The following ADGRL3 variants were observed in gnomAD, a reference collection of about 807,000 sequenced individuals.
The protein encoded by ADGRL3 is adhesion G protein-coupled receptor L3, also known as calcium-independent alpha-latrotoxin receptor 3.
In ADGRL3, 62 loss-of-function variants were observed where a neutral mutation model predicts 153.5. The observed-to-expected ratio is 0.40, with a 90% CI of 0.33 to 0.50. The LOEUF is 0.50. ADGRL3 is among the 20% of genes least tolerant of loss of function. The pLI, the probability that ADGRL3 is intolerant of heterozygous loss-of-function variation, is 0.47. For synonymous variants in ADGRL3, 710 were observed against 672.5 expected (o/e 1.06, Z -0.86); for missense variants, 1,641 against 1,859.4 (o/e 0.88, Z 2.16).
intron 21 of ADGRL3, among the ~76,000 whole-genome samples, chr4:62,008,767 A>G (rs1317106569): frequency 6.6e-6 from 1 of 151,798 alleles, no homozygotes; most frequent in Non-Finnish European, 1.5e-5. Flanking sequence ...ATATATATGC[A>G]TATATATAAT....
intron 1 of ADGRL3, among the ~76,000 whole-genome samples, chr4:61,360,426 T>C (rs1421320081): frequency 2.0e-5 from 3 of 152,140 alleles, no homozygotes. Flanking sequence ...CAGACAGCAC[T>C]GACCAAATAG....
intron 2 of ADGRL3, among the ~76,000 whole-genome samples, chr4:61,488,606 T>C (rs1407518252): frequency 6.6e-6 from 1 of 152,018 alleles, no homozygotes; most frequent in Admixed American, 6.6e-5. Flanking sequence ...GATTCAACTT[T>C]TTACTGTATC....
intron 6 of ADGRL3, among the ~76,000 whole-genome samples, chr4:61,706,144 A>G (rs2095853610): frequency 6.6e-6 from 1 of 152,106 alleles, no homozygotes; most frequent in Non-Finnish European, 1.5e-5. Flanking sequence ...TGTTCTGGCC[A>G]GGCGCGGTGG....
At chr4:61,746,478 G>A (rs370697053) in intron 8 of ADGRL3, among the ~76,000 whole-genome samples, 1 of 152,082 alleles carries the variant, frequency 6.6e-6, no homozygotes, top group Non-Finnish European at 1.5e-5. Context: ...CTCAGCAAAT[G>A]TAAAAGAACA....
rs148344865 is a variant in ADGRL3 at position 61,828,412 on chromosome 4, G to A, written c.1480+14523G>A. 7.7e-3 allele frequency among the ~76,000 whole-genome samples: 1,168 copies of A among 152,192 alleles called. 22 individuals carry two copies. The highest frequency in any genetic ancestry group is 0.027 in the African/African-American group (1,123 of 41,532). Reference sequence around the variant, plus strand: ...AAATAAAATATAAATTAAAAAAAGCGCAGGGTGCGGGGGATGGGGTGGTGG... The same window carrying A: ...AAATAAAATATAAATTAAAAAAAGCACAGGGTGCGGGGGATGGGGTGGTGG... On this transcript the variant is annotated intron_variant, in intron 9 of 26. Transcript: ENST00000683033.
Position 61,456,381 on chromosome 4 carries a change from A to ATATATC in ADGRL3, c.-173-40735_-173-40734insCTATAT. 1.9e-5 allele frequency among the ~76,000 whole-genome samples: 2 copies of ATATATC among 107,686 alleles called. 1 individual carries two copies. The highest frequency in any genetic ancestry group is 6.6e-5 in the African/African-American group (2 of 30,192). 70.6% of individuals were successfully genotyped at this position (107,686 alleles called of 152,430 possible). Reference sequence around the variant, plus strand: ...TATAGAGATATAGATATATCTATATATATATATAGATATATCTATATCTAT... The same window carrying ATATATC: ...TATAGAGATATAGATATATCTATATATATATCTATATATAGATATATCTATATCTAT... On this transcript the variant is annotated intron_variant, in intron 2 of 26. Transcript: ENST00000683033.
At chr4:61,639,946 C>T (rs1028487923) in intron 5 of ADGRL3, among the ~76,000 whole-genome samples, 3 of 152,068 alleles carry the variant, frequency 2.0e-5, no homozygotes, top group African/African-American at 7.2e-5. Context: ...CTAACTAGCA[C>T]CCACACTCAT....
At chr4:61,663,618 C>A (rs1274941595) in intron 5 of ADGRL3, among the ~76,000 whole-genome samples, 2 of 152,130 alleles carry the variant, frequency 1.3e-5, no homozygotes, top group Non-Finnish European at 2.9e-5. Flanking sequence ...GAGGAATGAG[C>A]CCAGCAGGCC....
chr4:61,408,673 G>A (rs1256307715), intron 2 of ADGRL3, among the ~76,000 whole-genome samples: 1 of 151,934 alleles, frequency 6.6e-6, no homozygotes, highest in Non-Finnish European at 1.5e-5. Context: ...TATTTATACA[G>A]AGTACAAAAG....
At chr4:61,973,694 T>C (rs1462345905) in intron 17 of ADGRL3, among the ~76,000 whole-genome samples, 1 of 152,026 alleles carries the variant, frequency 6.6e-6, no homozygotes, top group Non-Finnish European at 1.5e-5. Flanking sequence ...ATATTTTGTT[T>C]ATTTTTTTTT....
At chr4:61,237,558 C>T (rs1264250557) in intron 1 of ADGRL3, among the ~76,000 whole-genome samples, 1 of 152,022 alleles carries the variant, frequency 6.6e-6, no homozygotes, top group African/African-American at 2.4e-5. Context: ...TGAAATATAA[C>T]CCCAGTCTGC....
intron 1 of ADGRL3, among the ~76,000 whole-genome samples, chr4:61,223,877 C>G (rs899368341): frequency 5.9e-5 from 9 of 152,218 alleles, no homozygotes; most frequent in African/African-American, 2.2e-4. Context: ...ATATAACACT[C>G]TGAATTATGA....
intron 5 of ADGRL3, among the ~76,000 whole-genome samples, chr4:61,637,386 GAGATT>G (rs1322534699): frequency 6.6e-6 from 1 of 152,140 alleles, no homozygotes; most frequent in African/African-American, 2.4e-5. Context: ...GAAACTAGTA[GAGATT>G]ATAAATTTCT....
At position 61,587,296 on chromosome 4, in the gene ADGRL3, A is replaced by C; in HGVS notation, c.329A>C (p.Glu110Ala). 1 of 1,611,494 alleles carries C rather than the reference A, an allele frequency of 6.2e-7. No individual in the cohort carries two copies. Among genetic ancestry groups the C allele is most frequent in the Non-Finnish European group, 8.5e-7 (1 of 1,178,710 alleles). The change falls in exon 5 of 27, where the codon GAG becomes GCG. Residue 110 changes from glutamate to alanine, a missense_variant. Glu to Ala is a moderately radical substitution (Grantham distance 107). This residue lies in a region of ADGRL3 where 213 missense variants were observed against 362.1 expected (regional missense o/e 0.59). Transcript: ENST00000683033. ...RELSCESYPI[E>A]LRCPGTDVIM... ...CTATCCTGTGAGAGCTATCCTATAG[A>C]GCTTCGCTGTCCAGGAACAGACGTC...
At chr4:61,875,900 C>A (rs957864567) in intron 9 of ADGRL3, among the ~76,000 whole-genome samples, 2 of 151,998 alleles carry the variant, frequency 1.3e-5, no homozygotes, top group Non-Finnish European at 1.5e-5. Context: ...ATAAATTGAA[C>A]CCAGGCCAGG....
rs538182371 is a variant in ADGRL3, at chr4:61,567,223, G to A, written c.260-20004G>A. Among the ~76,000 whole-genome samples the A allele has an allele frequency of 3.3e-5, 5 of 152,310 alleles. 1 individual carries two copies. The highest frequency in any genetic ancestry group is 9.6e-5 in the African/African-American group (4 of 41,570). On this transcript the variant is annotated intron_variant, in intron 4 of 26. Transcript: ENST00000683033. ...GTCATACAGTTAGCTCACTGGTAGA[G>A]TAATTTCCAAAGTGCAGGCTTAACT... is the stretch of plus-strand genomic sequence containing the variant.
chr4:61,791,809 G>C (rs926936304), intron 8 of ADGRL3, among the ~76,000 whole-genome samples: 3 of 152,200 alleles, frequency 2.0e-5, no homozygotes, highest in Non-Finnish European at 2.9e-5. Flanking sequence ...GCACCATGTG[G>C]AAGCTGCCAA....
At chr4:61,821,189 CAAA>C (rs34391051) in intron 9 of ADGRL3, among the ~76,000 whole-genome samples, 2 of 107,796 alleles carry the variant, frequency 1.9e-5, no homozygotes, top group Non-Finnish European at 2.0e-5. Flanking sequence ...TGCCAATTAC[CAAA>C]AAAAAAAAAA....
At chr4:61,240,465 G>A (rs61481722) in intron 1 of ADGRL3, among the ~76,000 whole-genome samples, 119 of 152,180 alleles carry the variant, frequency 7.8e-4, no homozygotes, top group African/African-American at 2.8e-3. Context: ...AAGACTTTCT[G>A]CATCACAAAT....
Sources: gnomAD v4.1 joint callset for allele counts (sites outside exome capture counted in the v4.1 genomes callset) on GRCh38, gnomAD v4.1.1 for gene constraint, gnomAD v4.1.1 regional missense constraint, MANE v1.5 for transcripts, NCBI Gene and HGNC (gene_info 2026-07-23, HGNC 2026-07-21) for gene names.